Variants in RNGTT observed in about 807,000 individuals in gnomAD.
RNGTT encodes mRNA-capping enzyme.
In RNGTT, 33 loss-of-function variants were observed where a neutral mutation model predicts 79.3. The ratio of observed to expected loss-of-function variants is 0.42; its 90% CI spans 0.32 to 0.56. The LOEUF (loss-of-function observed/expected upper bound fraction) is 0.56. RNGTT is among the 20% of genes least tolerant of loss of function. The pLI, the probability that RNGTT is intolerant of heterozygous loss-of-function variation, is 0.17. For synonymous variants in RNGTT, 222 were observed against 235.9 expected, an observed-to-expected ratio of 0.94 and a Z score of 0.54; for missense variants, 497 against 739.1, an observed-to-expected ratio of 0.67 and a Z score of 3.80.
At chr6:88,930,053 T>C (rs1009749044) in intron 2 of RNGTT, among the ~76,000 whole-genome samples, 1 of 148,330 alleles carries the variant, frequency 6.7e-6, no homozygotes, top group African/African-American at 2.5e-5. Context: ...TATATACATA[T>C]ACATGTATAT....
intron 6 of RNGTT, among the ~76,000 whole-genome samples, chr6:88,894,608 G>A (rs932636300): frequency 5.3e-5 from 8 of 152,294 alleles, no homozygotes; most frequent in Admixed American, 3.9e-4. Context: ...ACACAGACCA[G>A]TACAGCAGTA....
At chr6:88,943,473 T>G (rs1235815266) in intron 1 of RNGTT, among the ~76,000 whole-genome samples, 1 of 152,170 alleles carries the variant, frequency 6.6e-6, no homozygotes, top group African/African-American at 2.4e-5. Flanking sequence ...GATTTAGGTT[T>G]CTTTTACTTC....
chr6:88,634,860 T>C (rs2756378), intron 14 of RNGTT, among the ~76,000 whole-genome samples: 6,257 of 152,176 alleles, frequency 0.041, 424 homozygotes, highest in African/African-American at 0.14. Context: ...AGAAAAATGA[T>C]AGAAAATCCA....
At chr6:88,709,705 A>G (rs1439865428) in intron 13 of RNGTT, among the ~76,000 whole-genome samples, 1 of 152,254 alleles carries the variant, frequency 6.6e-6, no homozygotes. Context: ...CAAATCTTCA[A>G]AATGTGGTGT....
chr6:88,963,308 G>A (rs371875137), intron 1 of RNGTT, 38 bp downstream of exon 1: 390 of 1,607,202 alleles, frequency 2.4e-4, no homozygotes, highest in Non-Finnish European at 3.2e-4. Context: ...CGGGCACGTT[G>A]GAGTGTGGGG....
chr6:88,631,337 A>C (rs1772875243), intron 14 of RNGTT, among the ~76,000 whole-genome samples: 1 of 152,214 alleles, frequency 6.6e-6, no homozygotes, highest in African/African-American at 2.4e-5. Context: ...GTTACTTTTT[A>C]TATGGCTGGA....
chr6:88,704,266 A>ACAAAAAAC (rs1263840813), intron 13 of RNGTT, among the ~76,000 whole-genome samples: 27 of 126,802 alleles, frequency 2.1e-4, no homozygotes, highest in African/African-American at 7.9e-4. Flanking sequence ...TCTCAAAAAA[A>ACAAAAAAC]AAAAAAAAAA....
At chr6:88,776,147 C>G (rs144539778) in intron 12 of RNGTT, among the ~76,000 whole-genome samples, 1 of 152,236 alleles carries the variant, frequency 6.6e-6, no homozygotes, top group African/African-American at 2.4e-5. Flanking sequence ...AATTTACATT[C>G]CTACCAACAG....
Position 88,612,798 on chromosome 6 carries a change from T to G in RNGTT, c.1715A>C (p.Gln572Pro), listed in dbSNP as rs1772080187. Residue 572 changes from glutamine (Q) to proline (P), a missense_variant, in exon 16 of 16, where the codon CAG (glutamine) becomes CCG (proline). Physicochemically the swap from Gln to Pro is moderately conservative, Grantham distance 76. Transcript: ENST00000369485. ...IDRCTAASQGQKRKHHLDPDT... is the reference protein window; with the variant it reads ...IDRCTAASQGPKRKHHLDPDT... ...AGGGTCCAGATGATGTTTTCGCTTC[T>G]GTCCTTGAGAAGCTGCAGTACATCT... The G allele has an allele frequency of 2.5e-6, 4 of 1,613,584 alleles. No homozygotes were observed. The African/African-American group carries it at 5.3e-5, about 22-fold the overall frequency.
In RNGTT at chr6:88,724,382, T is replaced by G. The variant is rs1288068666; in HGVS notation, c.1439+45392A>C. On this transcript the variant is annotated intron_variant, in intron 13 of 15. Coordinates refer to ENST00000369485, the MANE Select transcript of RNGTT (RefSeq NM_003800.5). ...ATATGTTATAATATGTAAATACAAT[T>G]GTGTTACAATTGCCTACAATATTTA... is the stretch of plus-strand genomic sequence containing the variant. Among the ~76,000 whole-genome samples the G allele has an allele frequency of 2.6e-5, 4 of 152,354 alleles. No homozygotes were observed. The East Asian group carries it at 5.8e-4, about 22-fold the overall frequency.
intron 13 of RNGTT, among the ~76,000 whole-genome samples, chr6:88,762,684 A>G (rs977278852): frequency 1.3e-5 from 2 of 152,150 alleles, no homozygotes; most frequent in African/African-American, 2.4e-5. Context: ...AAAATAGTAA[A>G]TATATATTTA....
intron 14 of RNGTT, among the ~76,000 whole-genome samples, chr6:88,619,172 T>C (rs910038886): frequency 2.0e-4 from 30 of 150,972 alleles, no homozygotes; most frequent in African/African-American, 1.7e-4. Context: ...AGATTTTTCT[T>C]TTTTTTTTTC....
intron 11 of RNGTT, among the ~76,000 whole-genome samples, chr6:88,828,142 C>T (rs911594802): frequency 5.9e-5 from 9 of 152,146 alleles, no homozygotes; most frequent in Non-Finnish European, 1.0e-4. Flanking sequence ...TACAGGGGAG[C>T]TCTGGCTGGC....
intron 7 of RNGTT, among the ~76,000 whole-genome samples, chr6:88,891,536 T>C (rs964192731): frequency 1.3e-4 from 20 of 152,252 alleles, no homozygotes; most frequent in Admixed American, 8.5e-4. Context: ...GCTCAAACAT[T>C]AATCAGTAGC....
intron 11 of RNGTT, among the ~76,000 whole-genome samples, chr6:88,814,863 T>C (rs1051375334): frequency 2.0e-5 from 3 of 152,162 alleles, no homozygotes; most frequent in African/African-American, 4.8e-5. Flanking sequence ...AAATAAAATT[T>C]AAGATTTTCA....
chr6:88,798,977 GAACT>G (rs1457425013), intron 12 of RNGTT, among the ~76,000 whole-genome samples: 3 of 151,922 alleles, frequency 2.0e-5, no homozygotes, highest in Non-Finnish European at 4.4e-5. Flanking sequence ...ACAATGATGA[GAACT>G]AACAGAATTC....
At chr6:88,869,801 C>A (rs1214151389) in intron 8 of RNGTT, among the ~76,000 whole-genome samples, 3 of 152,038 alleles carry the variant, frequency 2.0e-5, no homozygotes, top group Non-Finnish European at 4.4e-5. Flanking sequence ...AAGGCCACAT[C>A]ATAGAGCAGT....
chr6:88,904,766 T>C lies in RNGTT; in HGVS notation c.633A>G (p.Glu211=). 1 of 1,613,802 alleles carries C rather than the reference T, an allele frequency of 6.2e-7. No individual in the cohort carries two copies. The highest frequency in any genetic ancestry group is 8.5e-7 in the Non-Finnish European group (1 of 1,179,790). The stretch of plus-strand genomic sequence containing the variant: ...TGCCAAAAGAAGCACTTGACCCGGG[T>C]TCTGATTCCTTCTTTCCATCCTCAT... ...DEDEDGKKES[E]PGSSASFGKR... The change falls in exon 6 of 16, where the codon GAA becomes GAG. Residue 211 remains glutamate, a synonymous_variant. Coordinates refer to ENST00000369485, the MANE Select transcript of RNGTT (RefSeq NM_003800.5).
At chr6:88,927,062 A>T (rs1464123528) in intron 4 of RNGTT, among the ~76,000 whole-genome samples, 1 of 152,240 alleles carries the variant, frequency 6.6e-6, no homozygotes. Context: ...CAAACAAGAC[A>T]CAAAAAAATT....
Sources: gnomAD v4.1 joint callset for allele counts (sites outside exome capture counted in the v4.1 genomes callset) on GRCh38, gnomAD v4.1.1 for gene constraint, MANE v1.5 for transcripts, NCBI Gene and HGNC (gene_info 2026-07-23, HGNC 2026-07-21) for gene names.